ROBO1: variants seen among roughly 807,000 people sequenced by gnomAD.
ROBO1 encodes the protein roundabout homolog 1.
In ROBO1, 149 loss-of-function variants were observed where a neutral mutation model predicts 195.9. The ratio of observed to expected loss-of-function variants is 0.76; its 90% CI spans 0.67 to 0.87. The LOEUF (loss-of-function observed/expected upper bound fraction) is 0.87. Ranked by LOEUF, ROBO1 falls within the 40% of genes least tolerant of loss-of-function variation. The pLI is 0.00. For missense variants in ROBO1, 1,933 were observed against 2,068.3 expected, an observed-to-expected ratio of 0.93 and a Z score of 1.27; for synonymous variants, 816 against 733.2, an observed-to-expected ratio of 1.11 and a Z score of -1.82.
chr3:79,037,078 A>G (rs1278453599), intron 3 of ROBO1, among the ~76,000 whole-genome samples: 1 of 152,166 alleles, frequency 6.6e-6, no homozygotes, highest in Admixed American at 6.5e-5. Flanking sequence ...AATACCTAAC[A>G]AAGTTGAGAA....
At chr3:79,140,075 C>G (rs1176847104) in intron 2 of ROBO1, among the ~76,000 whole-genome samples, 1 of 151,984 alleles carries the variant, frequency 6.6e-6, no homozygotes, top group Non-Finnish European at 1.5e-5. Context: ...GATGTAGCTA[C>G]CTGGGTTTGA....
intron 2 of ROBO1, among the ~76,000 whole-genome samples, chr3:79,166,658 C>G (rs564015373): frequency 2.0e-5 from 3 of 151,242 alleles, no homozygotes; most frequent in African/African-American, 7.3e-5. Context: ...CTCCGCCTCC[C>G]GGGTTCGCGC....
intron 3 of ROBO1, among the ~76,000 whole-genome samples, chr3:79,029,516 C>T (rs1257700796): frequency 6.6e-6 from 1 of 152,190 alleles, no homozygotes; most frequent in Non-Finnish European, 1.5e-5. Context: ...CACTACACTA[C>T]ATTCTCTGAT....
At position 79,039,801 on chromosome 3, in the gene ROBO1, CA is replaced by C. The variant is rs1214691931; in HGVS notation, c.172+85654del. 2.5e-4 allele frequency among the ~76,000 whole-genome samples: 13 copies of C among 51,320 alleles called. No individual in the cohort carries two copies. The South Asian group carries it at 4.9e-3, about 19-fold the overall frequency. The allele number at this position is 51,320 out of a possible 152,430, so 33.7% of individuals were successfully genotyped here. Reference sequence around the variant, plus strand: ...TGGGCTACAAAGCAAGACTCCGTCTCAAAAAAAAAAAAAAAAAAAGTTATGT... The same window carrying C: ...TGGGCTACAAAGCAAGACTCCGTCTCAAAAAAAAAAAAAAAAAAGTTATGT... On this transcript the variant is annotated intron_variant, in intron 3 of 30. Transcript: ENST00000464233.
chr3:78,657,225 T>G lies in ROBO1; in HGVS notation c.2487A>C (p.Thr829=). ...CCACGGAAAAGGTGGAACCATCCAC[T>G]GTTTTGTTGATGTGGTATCGAGTTT... The part of the protein sequence containing the change: ...GNETRYHINK[T]VDGSTFSVVI... The change falls in exon 18 of 31, where the codon ACA becomes ACC. Residue 829 remains threonine, a synonymous_variant. Coordinates refer to ENST00000464233, the MANE Select transcript of ROBO1 (RefSeq NM_002941.4). 1.9e-6 allele frequency: 3 copies of G among 1,613,710 alleles called. No individual in the cohort carries two copies. Among genetic ancestry groups the G allele is most frequent in the Non-Finnish European group, 8.5e-7 (1 of 1,179,772 alleles).
intron 3 of ROBO1, among the ~76,000 whole-genome samples, chr3:79,059,947 C>A (rs1490249745): frequency 6.6e-6 from 1 of 151,944 alleles, no homozygotes; most frequent in African/African-American, 2.4e-5. Flanking sequence ...CCGAGCTGGG[C>A]AGAACAGAGT....
chr3:78,699,572 G>GTAA lies in ROBO1; in HGVS notation c.1046-10803_1046-10801dup, dbSNP rs200057797. On this transcript the variant is annotated intron_variant, in intron 8 of 30. Coordinates refer to ENST00000464233, the MANE Select transcript of ROBO1 (RefSeq NM_002941.4). ...TGACAGGGCAAGACTCCATCTCCAA[G>GTAA]TAATAATAATAATAATAATATTAAT... 4.7e-4 allele frequency among the ~76,000 whole-genome samples: 70 copies of GTAA among 148,966 alleles called. 3 individuals carry two copies. In the East Asian group the frequency reaches 7.6e-3, roughly 16 times the overall value.
chr3:79,626,483 AT>A (rs1454899651), intron 1 of ROBO1, among the ~76,000 whole-genome samples: 1 of 152,156 alleles, frequency 6.6e-6, no homozygotes, highest in African/African-American at 2.4e-5. Flanking sequence ...TAAACTAGGT[AT>A]TGATGGACCA....
At chr3:79,256,151 A>G (rs1360335006) in intron 2 of ROBO1, among the ~76,000 whole-genome samples, 1 of 152,174 alleles carries the variant, frequency 6.6e-6, no homozygotes, top group Non-Finnish European at 1.5e-5. Flanking sequence ...AACCTTTAAG[A>G]ACAGGGATTC....
chr3:79,598,928 A>G (rs890951062), intron 1 of ROBO1, among the ~76,000 whole-genome samples: 21 of 152,078 alleles, frequency 1.4e-4, no homozygotes, highest in African/African-American at 4.3e-4. Flanking sequence ...CCATGTGACA[A>G]CTTCACTGCT....
intron 2 of ROBO1, among the ~76,000 whole-genome samples, chr3:79,491,214 G>T (rs1377227625): frequency 2.4e-5 from 3 of 123,542 alleles, no homozygotes; most frequent in African/African-American, 1.0e-4. Flanking sequence ...GGTGGACGGG[G>T]ATCGGCTCTT....
intron 3 of ROBO1, among the ~76,000 whole-genome samples, chr3:78,970,498 T>G (rs1403079891): frequency 6.6e-6 from 1 of 152,166 alleles, no homozygotes; most frequent in South Asian, 2.1e-4. Context: ...GAGATTTTAT[T>G]TACATGTTTT....
chr3:79,082,016 T>G (rs2079283428), intron 3 of ROBO1, among the ~76,000 whole-genome samples: 1 of 152,180 alleles, frequency 6.6e-6, no homozygotes, highest in Non-Finnish European at 1.5e-5. Context: ...CAATATTATT[T>G]TTCTATTATC....
intron 3 of ROBO1, among the ~76,000 whole-genome samples, chr3:79,060,413 A>G (rs1298522515): frequency 6.6e-6 from 1 of 151,870 alleles, no homozygotes; most frequent in Non-Finnish European, 1.5e-5. Context: ...TTCCTAATAA[A>G]AACTTGCTGG....
At chr3:79,033,505 A>C (rs1467008416) in intron 3 of ROBO1, among the ~76,000 whole-genome samples, 2 of 152,158 alleles carry the variant, frequency 1.3e-5, no homozygotes, top group African/African-American at 4.8e-5. Flanking sequence ...AAAAGTGATA[A>C]TGCCCCAAGG....
intron 3 of ROBO1, among the ~76,000 whole-genome samples, chr3:78,965,839 G>A (rs1485242882): frequency 6.6e-6 from 1 of 152,198 alleles, no homozygotes; most frequent in South Asian, 2.1e-4. Context: ...TTTCTGCAAT[G>A]ATGATGAAAA....
At chr3:79,608,484 G>T (rs1257731157) in intron 1 of ROBO1, among the ~76,000 whole-genome samples, 1 of 151,924 alleles carries the variant, frequency 6.6e-6, no homozygotes, top group African/African-American at 2.4e-5. Context: ...TTGCACTCTA[G>T]CAGTTAGTGA....
chr3:79,061,535 T>C (rs902093551), intron 3 of ROBO1, among the ~76,000 whole-genome samples: 5 of 151,974 alleles, frequency 3.3e-5, no homozygotes, highest in African/African-American at 9.7e-5. Context: ...AAAGAGCCCA[T>C]ATAGCCAAGA....
rs145881381 is a variant in ROBO1, at chr3:79,547,647, C to T, written c.88+42177G>A. 1.5e-4 allele frequency among the ~76,000 whole-genome samples: 23 copies of T among 152,250 alleles called. No homozygotes were observed. The East Asian group carries it at 2.9e-3, about 19-fold the overall frequency. On this transcript the variant is annotated intron_variant, in intron 2 of 30. Transcript: ENST00000464233. ...GGAATGTATGTGATACTTGTGCAGACATGAGCAGAGAGGATGGTACTTATT... is the reference window on the plus strand; with the variant it reads ...GGAATGTATGTGATACTTGTGCAGATATGAGCAGAGAGGATGGTACTTATT...
Sources: allele counts gnomAD v4.1 joint callset (sites outside exome capture counted in the v4.1 genomes callset), GRCh38; gene constraint gnomAD v4.1.1; transcripts MANE v1.5; gene names NCBI Gene and HGNC (gene_info 2026-07-23, HGNC 2026-07-21).